LOXL3: variants seen among roughly 807,000 people sequenced by gnomAD.
LOXL3 encodes lysyl oxidase like 3, also known as lysyl oxidase homolog 3.
In LOXL3, 60 loss-of-function variants were observed where a neutral mutation model predicts 91.8. That is an observed-to-expected ratio of 0.65 (90% CI 0.53 to 0.81). The LOEUF is 0.81. LOXL3 is among the 30% of genes least tolerant of loss of function. The pLI is 0.00. For missense variants in LOXL3, 874 were observed against 1,000.4 expected, an observed-to-expected ratio of 0.87 and a Z score of 1.70; for synonymous variants, 355 against 387.6, an observed-to-expected ratio of 0.92 and a Z score of 0.99.
At chr2:74,544,624 T>A (rs1676503692) in intron 4 of LOXL3, among the ~76,000 whole-genome samples, 1 of 152,258 alleles carries the variant, frequency 6.6e-6, no homozygotes, top group African/African-American at 2.4e-5. Flanking sequence ...ATTCTTTTCT[T>A]ATTCTAAAGT....
rs1320923940 is a variant in LOXL3 at position 74,536,998 on chromosome 2, C to T, written c.693-70G>A. The T allele has an allele frequency of 5.6e-6, 7 of 1,250,938 alleles. No individual in the cohort carries two copies. The highest frequency in any genetic ancestry group is 1.3e-5 in the South Asian group (1 of 76,542). The allele number at this position is 1,250,938 out of a possible 1,614,324, so 77.5% of individuals were successfully genotyped here. On this transcript the variant is annotated intron_variant, in intron 4 of 13. Transcript: ENST00000264094. The surrounding 1 kb of genome is among the most constrained non-coding windows in gnomAD (Gnocchi z 4.5). ...TGCCTCTTGGCCCCACAAACATCCT[C>T]CCACTTCATGCCTCCACCATGCCCC...
intron 2 of LOXL3, among the ~76,000 whole-genome samples, chr2:74,551,018 T>C (rs13418006): frequency 0.074 from 11,158 of 151,758 alleles, 768 homozygotes; most frequent in African/African-American, 0.18. Flanking sequence ...CTGCAACCTC[T>C]GTCTCCCAGG....
chr2:74,549,689 G>C lies in LOXL3; in HGVS notation c.478-106C>G. The C allele has an allele frequency of 6.9e-7, 1 of 1,457,718 alleles. No homozygotes were observed. The highest frequency in any genetic ancestry group is 9.1e-7 in the Non-Finnish European group (1 of 1,100,052). 90.3% of individuals were successfully genotyped at this position (1,457,718 alleles called of 1,614,324 possible). Reference sequence around the variant, plus strand: ...GTGTGCCTGCTGTAAACCCAGTGGCGGGATGGGCCCGAGGCGGCGCTGAGA... The same window carrying C: ...GTGTGCCTGCTGTAAACCCAGTGGCCGGATGGGCCCGAGGCGGCGCTGAGA... On this transcript the variant is annotated intron_variant, in intron 3 of 13. Coordinates refer to ENST00000264094, the MANE Select transcript of LOXL3 (RefSeq NM_032603.5). The surrounding 1 kb of genome is among the most constrained non-coding windows in gnomAD (Gnocchi z 5.3).
chr2:74,552,795 C>A, intron 1 of LOXL3, 149 bp from the exon 2 acceptor site: 1 of 674,474 alleles, frequency 1.5e-6, no homozygotes, highest in Non-Finnish European at 2.4e-6. Flanking sequence ...GCCCCAGGGA[C>A]CAAGAGACAG....
In LOXL3 at chr2:74,533,216, TC is replaced by T. The variant is rs905394407; in HGVS notation, c.*389del. On this transcript the variant is annotated 3_prime_UTR_variant, in exon 14 of 14. Transcript: ENST00000264094. ...AATGAGGTGGGAGGGCTGGATCTTT[TC>T]CCCCACCAAAAGGCTAGAGGTAAAG... 19 of 573,766 alleles carry T rather than the reference TC, an allele frequency of 3.3e-5. No homozygotes were observed. The highest frequency in any genetic ancestry group is 9.1e-4 in the Middle Eastern group (2 of 2,198). 35.5% of individuals were successfully genotyped at this position (573,766 alleles called of 1,614,324 possible). A position where few individuals can be genotyped will look rare whatever the true frequency, so the allele number is the denominator to read the frequency against.
At chr2:74,544,452 T>C (rs1235528882) in intron 4 of LOXL3, among the ~76,000 whole-genome samples, 1 of 152,246 alleles carries the variant, frequency 6.6e-6, no homozygotes, top group Admixed American at 6.5e-5. Context: ...TATTCACCTT[T>C]GTATTCTCAG....
At position 74,535,596 on chromosome 2, in the gene LOXL3, C is replaced by T. The variant is rs761764571; in HGVS notation, c.1408G>A (p.Gly470Ser). The change falls in exon 8 of 14, where the codon GGC (glycine) becomes AGC (serine). Residue 470 changes from glycine (G) to serine (S), a missense_variant. Transcript: ENST00000264094. The surrounding 1 kb of genome is among the most constrained non-coding windows in gnomAD (Gnocchi z 4.2). ...RQLGLGYANHGLQETWYWDSG... is the reference protein window; with the variant it reads ...RQLGLGYANHSLQETWYWDSG... ...CTTTCCTTCCCACTCACCTGCAGGC[C>T]GTGGTTGGCGTAGCCCAGACCCAGT... is the stretch of plus-strand genomic sequence containing the variant. 35 of 1,613,924 alleles carry T rather than the reference C, an allele frequency of 2.2e-5. No homozygotes were observed. The highest frequency in any genetic ancestry group is 2.1e-4 in the South Asian group (19 of 91,084).
chr2:74,552,064 T>C (rs1052265177), intron 2 of LOXL3, among the ~76,000 whole-genome samples: 7 of 152,248 alleles, frequency 4.6e-5, no homozygotes, highest in African/African-American at 1.7e-4. Context: ...ATCATACTTT[T>C]GCAGCAGAAA....
chr2:74,536,478 A>G lies in LOXL3; in HGVS notation c.913-7T>C. 1 of 1,610,012 alleles carries G rather than the reference A, an allele frequency of 6.2e-7. No homozygotes were observed. The highest frequency in any genetic ancestry group is 2.2e-5 in the East Asian group (1 of 44,700). On this transcript the variant is annotated splice_polypyrimidine_tract_variant and splice_region_variant and intron_variant, in intron 5 of 13. Coordinates refer to ENST00000264094, the MANE Select transcript of LOXL3 (RefSeq NM_032603.5). This position sits in a 1 kb window ranked among gnomAD's most constrained non-coding sequence, Gnocchi z 4.5. ...CCTTTAGACGGACACGGGCCTATAGAAGAGAGAAGTGCCCAACAGAGGCAA... is the reference window on the plus strand; with the variant it reads ...CCTTTAGACGGACACGGGCCTATAGGAGAGAGAAGTGCCCAACAGAGGCAA...
At chr2:74,548,787 G>A (rs958667961) in intron 4 of LOXL3, among the ~76,000 whole-genome samples, 4 of 151,966 alleles carry the variant, frequency 2.6e-5, no homozygotes, top group African/African-American at 7.2e-5. Flanking sequence ...GTTGGGCCTC[G>A]CCAAAAGAGA....
chr2:74,532,647 C>T lies in LOXL3; in HGVS notation c.*959G>A. The T allele has an allele frequency of 1.2e-6, 2 of 1,613,674 alleles. No homozygotes were observed. Among genetic ancestry groups the T allele is most frequent in the Non-Finnish European group, 1.7e-6 (2 of 1,180,024 alleles). On this transcript the variant is annotated 3_prime_UTR_variant, in exon 14 of 14. Transcript: ENST00000264094. Reference sequence around the variant, plus strand: ...CCTTGCTGAACTACAGCTTCGAGAACCAAGCTTTCCCGATGTTCAGCATGG... The same window carrying T: ...CCTTGCTGAACTACAGCTTCGAGAATCAAGCTTTCCCGATGTTCAGCATGG...
intron 4 of LOXL3, among the ~76,000 whole-genome samples, chr2:74,543,563 C>G (rs1676437576): frequency 6.6e-6 from 1 of 152,096 alleles, no homozygotes; most frequent in African/African-American, 2.4e-5. Context: ...ATATCTTTTG[C>G]TCCTCTCCTG....
intron 4 of LOXL3, among the ~76,000 whole-genome samples, chr2:74,539,485 G>A (rs1234723016): frequency 6.6e-6 from 1 of 152,152 alleles, no homozygotes; most frequent in Non-Finnish European, 1.5e-5. Flanking sequence ...AACTAAGGGA[G>A]GTGATGGAGG....
intron 9 of LOXL3, among the ~76,000 whole-genome samples, 199 bp from the exon 10 acceptor site, chr2:74,534,973 G>T (rs189155312): frequency 4.4e-4 from 67 of 152,290 alleles, no homozygotes; most frequent in Middle Eastern, 3.4e-3. Flanking sequence ...CTGCCACCTG[G>T]GTTCAAGTGA....
At chr2:74,538,272 G>T (rs1676134730) in intron 4 of LOXL3, among the ~76,000 whole-genome samples, 1 of 152,218 alleles carries the variant, frequency 6.6e-6, no homozygotes, top group East Asian at 1.9e-4. Context: ...GGGAAGGCTA[G>T]AGTGTGGCCA....
chr2:74,534,640 A>G lies in LOXL3; in HGVS notation c.1714T>C (p.Tyr572His). 1.2e-6 allele frequency: 2 copies of G among 1,614,214 alleles called. No homozygotes were observed. The highest frequency in any genetic ancestry group is 1.7e-6 in the Non-Finnish European group (2 of 1,180,036). Residue 572 changes from tyrosine to histidine, a missense_variant, in exon 10 of 14, where the codon TAT (tyrosine) becomes CAT (histidine). Transcript: ENST00000264094. The part of the protein sequence containing the change: ...ASSARSANWP[Y>H]GHRRLLRFSS... ...AATCGGAGCAGACGCCGGTGACCATAGGGCCAGTTGGCTGAGCGGGCTGAG... is the reference window on the plus strand; with the variant it reads ...AATCGGAGCAGACGCCGGTGACCATGGGGCCAGTTGGCTGAGCGGGCTGAG...
rs750032417 is a variant in LOXL3, at chr2:74,532,798, CTCTG to C, written c.*804_*807del. Reference sequence around the variant, plus strand: ...CTAGGCTTTGTACTCCTTCCTTTCTCTCTGTCCATTTTTCTCTATAGGGCTGGTC... The same window carrying C: ...CTAGGCTTTGTACTCCTTCCTTTCTCTCCATTTTTCTCTATAGGGCTGGTC... On this transcript the variant is annotated 3_prime_UTR_variant, in exon 14 of 14. Transcript: ENST00000264094. 1 of 1,613,994 alleles carries C rather than the reference CTCTG, an allele frequency of 6.2e-7. No homozygotes were observed. The highest frequency in any genetic ancestry group is 1.7e-5 in the Admixed American group (1 of 60,002).
Position 74,552,688 on chromosome 2 carries a change from T to G in LOXL3, c.-12-42A>C, listed in dbSNP as rs1438768484. Reference sequence around the variant, plus strand: ...CAAAGTGTGCGTGAGAGAAACAGATTGAGTGGGGCCCAGAGTCAGAAAGAG... The same window carrying G: ...CAAAGTGTGCGTGAGAGAAACAGATGGAGTGGGGCCCAGAGTCAGAAAGAG... On this transcript the variant is annotated intron_variant, in intron 1 of 13. Transcript: ENST00000264094. 10 of 1,447,656 alleles carry G rather than the reference T, an allele frequency of 6.9e-6. No individual in the cohort carries two copies. In the East Asian group the frequency reaches 2.3e-4, roughly 33 times the overall value. The allele number at this position is 1,447,656 out of a possible 1,614,324, so 89.7% of individuals were successfully genotyped here.
At position 74,540,231 on chromosome 2, in the gene LOXL3, G is replaced by A. The variant is rs1676247583; in HGVS notation, c.693-3303C>T. Among the ~76,000 whole-genome samples, 3 of 152,260 alleles carry A rather than the reference G, an allele frequency of 2.0e-5. No individual in the cohort carries two copies. The South Asian group carries it at 6.2e-4, about 32-fold the overall frequency. On this transcript the variant is annotated intron_variant, in intron 4 of 13. Coordinates refer to ENST00000264094, the MANE Select transcript of LOXL3 (RefSeq NM_032603.5). ...AAGTGAAGGCCGTGGACTCAGGACGGTGCCCCCATGCCAGCACCCTCAGAA... is the reference window on the plus strand; with the variant it reads ...AAGTGAAGGCCGTGGACTCAGGACGATGCCCCCATGCCAGCACCCTCAGAA...
Sources: gnomAD v4.1 joint callset for allele counts (sites outside exome capture counted in the v4.1 genomes callset) on GRCh38, gnomAD v4.1.1 for gene constraint, Gnocchi (gnomAD v3.1) non-coding constraint, MANE v1.5 for transcripts, NCBI Gene and HGNC (gene_info 2026-07-23, HGNC 2026-07-21) for gene names.